The following ADGRG2 variants were observed in gnomAD, a reference collection of about 807,000 sequenced individuals.
ADGRG2 encodes the protein G protein-coupled receptor 64.
ADGRG2 carries 26 observed loss-of-function variants against 74.1 expected under a neutral mutation model. The ratio of observed to expected loss-of-function variants is 0.35; its 90% CI spans 0.26 to 0.49. The LOEUF (loss-of-function observed/expected upper bound fraction) is 0.49, where lower values mean the gene tolerates loss of function less well. ADGRG2 is among the 20% of genes least tolerant of loss of function. The pLI is 0.99. For synonymous variants in ADGRG2, 296 were observed against 295.2 expected (o/e 1.00, Z -0.03); for missense variants, 619 against 763.1 (o/e 0.81, Z 2.22).
In ADGRG2 at chrX:18,990,872, G is replaced by C; in HGVS notation, c.3046C>G (p.Gln1016Glu). Residue 1016 changes from glutamine (Q) to glutamate (E), a missense_variant, in exon 29 of 29, where the codon CAA becomes GAA. Transcript: ENST00000379869. ...ATTTTAGAAGAAAGGAATCACATTT[G>C]CTCAATAAAGTGTAAGCTTCCCCGC... The part of the protein sequence containing the change: ...SKRGSLHFIE[Q>E]M 8.4e-7 allele frequency: 1 copy of C among 1,190,590 alleles called. No homozygotes were observed. Among genetic ancestry groups the C allele is most frequent in the African/African-American group, 1.7e-5 (1 of 57,266 alleles).
At position 19,030,522 on chromosome X, in the gene ADGRG2, T is replaced by C. The variant is rs113267147; in HGVS notation, c.358+462A>G. On this transcript the variant is annotated intron_variant, in intron 9 of 28. Coordinates refer to ENST00000379869, the MANE Select transcript of ADGRG2 (RefSeq NM_001079858.3). ...GGAATTAGCATCCACTTAAACTAGG[T>C]GTACTTGAGTTTTCAACATTCAACA... 6.1e-3 allele frequency among the ~76,000 whole-genome samples: 684 copies of C among 112,025 alleles called. 3 individuals are homozygous for C. Among genetic ancestry groups the C allele is most frequent in the African/African-American group, 0.021 (657 of 30,876 alleles).
At position 19,010,690 on chromosome X, in the gene ADGRG2, G is replaced by C; in HGVS notation, c.1188C>G (p.Asn396Lys). 1.7e-6 allele frequency: 2 copies of C among 1,205,524 alleles called. No individual in the cohort carries two copies. Among genetic ancestry groups the C allele is most frequent in the Non-Finnish European group, 1.1e-6 (1 of 890,114 alleles). ...CTTGGTTGATCATTTCTCCTGCGAGGTTAGGCTCCAGGCTGCCCAAGGACA... is the reference window on the plus strand; with the variant it reads ...CTTGGTTGATCATTTCTCCTGCGAGCTTAGGCTCCAGGCTGCCCAAGGACA... ...KALSLGSLEPNLAGEMINQVS... is the reference protein window; with the variant it reads ...KALSLGSLEPKLAGEMINQVS... The change falls in exon 17 of 29, where the codon AAC (asparagine) becomes AAG (lysine). Residue 396 changes from asparagine to lysine, a missense_variant. Asn to Lys is a moderately conservative substitution (Grantham distance 94). This residue lies in a region of ADGRG2 where 292 missense variants were observed against 318.0 expected (regional missense o/e 0.92). Coordinates refer to ENST00000379869, the MANE Select transcript of ADGRG2 (RefSeq NM_001079858.3).
At chrX:19,024,009 A>T in intron 11 of ADGRG2, 61 bp from the exon 12 acceptor site, 1 of 837,013 alleles carries the variant, frequency 1.2e-6, no homozygotes, top group Non-Finnish European at 1.8e-6. Context: ...AATTGAAAAC[A>T]TGTTAGATTT....
chrX:19,003,269 A>G (rs1463622690), intron 23 of ADGRG2, among the ~76,000 whole-genome samples, 155 bp from the exon 24 acceptor site: 1 of 111,191 alleles, frequency 9.0e-6, no homozygotes, highest in Non-Finnish European at 1.9e-5. Context: ...GGCTCAAGCG[A>G]TCTTCCCACC....
chrX:19,054,003 G>T (rs916272589), intron 3 of ADGRG2, among the ~76,000 whole-genome samples: 1 of 111,511 alleles, frequency 9.0e-6, no homozygotes, highest in Admixed American at 9.6e-5. Context: ...TCTCCCACCG[G>T]GTCCCTCCTA....
intron 26 of ADGRG2, 62 bp downstream of exon 26, chrX:18,998,934 G>A: frequency 1.1e-6 from 1 of 950,553 alleles, no homozygotes; most frequent in Non-Finnish European, 1.5e-6. Flanking sequence ...TACTCTTTTA[G>A]TAGCTACATT....
Position 18,990,683 on chromosome X carries a change from C to A in ADGRG2, c.*181G>T. On this transcript the variant is annotated 3_prime_UTR_variant, in exon 29 of 29. Transcript: ENST00000379869. ...AAACCAAATCAGAAATGTCTAAAAA[C>A]CATGGTGTAATGTCTTGGTTTCTTC... The A allele has an allele frequency of 3.1e-6, 1 of 323,335 alleles. No individual in the cohort carries two copies. The highest frequency in any genetic ancestry group is 5.3e-6 in the Non-Finnish European group (1 of 187,318). The allele number at this position is 323,335 out of a possible 1,213,427, so 26.6% of individuals were successfully genotyped here.
chrX:19,069,785 T>G (rs1045855681), intron 2 of ADGRG2, among the ~76,000 whole-genome samples: 1 of 111,633 alleles, frequency 9.0e-6, no homozygotes, highest in African/African-American at 3.3e-5. Context: ...CCCATCCCAC[T>G]GAGAGCCACT....
In ADGRG2 at chrX:18,999,920, G is replaced by A. The variant is rs748301650; in HGVS notation, c.2271C>T (p.Ser757=). 6 of 1,195,989 alleles carry A rather than the reference G, an allele frequency of 5.0e-6. No individual in the cohort carries two copies. The highest frequency in any genetic ancestry group is 6.8e-6 in the Non-Finnish European group (6 of 881,612). The stretch of plus-strand genomic sequence containing the variant: ...AGGATCCAAGCCCATAGTTATCTGG[G>A]GATATAGTCAGGATGATGGTCACAA... ...AVVVTIILTI[S]PDNYGLGSYG... is the part of the protein sequence containing the mutation. The change falls in exon 25 of 29, where the codon TCC becomes TCT. Residue 757 remains serine, a synonymous_variant. Transcript: ENST00000379869.
intron 28 of ADGRG2, among the ~76,000 whole-genome samples, chrX:18,991,533 C>G (rs1205271480): frequency 1.8e-5 from 2 of 112,406 alleles, no homozygotes; most frequent in Admixed American, 1.9e-4. Context: ...CCAGAGCAAC[C>G]AGCTACAACA....
chrX:19,094,402 G>A (rs1257125533), intron 1 of ADGRG2, among the ~76,000 whole-genome samples: 1 of 110,477 alleles, frequency 9.1e-6, no homozygotes, highest in East Asian at 2.8e-4. Flanking sequence ...GGTGAACAGG[G>A]ATACAGCAGG....
At chrX:19,051,082 C>G (rs1406601728) in intron 3 of ADGRG2, among the ~76,000 whole-genome samples, 2 of 111,918 alleles carry the variant, frequency 1.8e-5, no homozygotes, top group African/African-American at 3.2e-5. Flanking sequence ...CCATGACACT[C>G]TTTTTGTTTT....
intron 28 of ADGRG2, 106 bp downstream of exon 28, chrX:18,994,790 T>C: frequency 8.0e-6 from 4 of 498,143 alleles, no homozygotes; most frequent in Non-Finnish European, 1.3e-5. Flanking sequence ...TAGTCATATA[T>C]GTATTAATAG....
At chrX:19,019,197 A>T (rs1428594725) in intron 15 of ADGRG2, among the ~76,000 whole-genome samples, 1 of 112,251 alleles carries the variant, frequency 8.9e-6, no homozygotes, top group African/African-American at 3.2e-5. Flanking sequence ...TACAGAAAAG[A>T]CATGTACATG....
chrX:18,996,763 C>T (rs2060026686), intron 26 of ADGRG2, among the ~76,000 whole-genome samples: 1 of 111,267 alleles, frequency 9.0e-6, no homozygotes, highest in South Asian at 3.8e-4. Context: ...CTCTCACCCA[C>T]TCAGGTGCCC....
Position 19,050,645 on chromosome X carries a change from C to T in ADGRG2, c.119-10421G>A, listed in dbSNP as rs749367999. On this transcript the variant is annotated intron_variant, in intron 3 of 28. Transcript: ENST00000379869. ...GCTAGCACCTCAAATCCCAGCTACTCAGGAGGCTTAGGTAGGAGGATCACT... is the reference window on the plus strand; with the variant it reads ...GCTAGCACCTCAAATCCCAGCTACTTAGGAGGCTTAGGTAGGAGGATCACT... 1.3e-4 allele frequency among the ~76,000 whole-genome samples: 14 copies of T among 111,623 alleles called. No homozygotes were observed. The East Asian group carries it at 3.7e-3, about 29-fold the overall frequency.
In ADGRG2 at chrX:19,088,300, A is replaced by G. The variant is rs192179850; in HGVS notation, c.-46-5554T>C. 6.4e-3 allele frequency among the ~76,000 whole-genome samples: 712 copies of G among 112,101 alleles called. 5 individuals carry two copies. Among genetic ancestry groups the G allele is most frequent in the African/African-American group, 0.022 (684 of 30,834 alleles). On this transcript the variant is annotated intron_variant, in intron 1 of 28. Coordinates refer to ENST00000379869, the MANE Select transcript of ADGRG2 (RefSeq NM_001079858.3). ...CCAGAGTGAGCTTTCTTCCATTAAT[A>G]TGAAAACACTTCACAGGATAATTGA...
intron 12 of ADGRG2, 43 bp downstream of exon 12, chrX:19,023,866 A>G: frequency 1.1e-6 from 1 of 952,082 alleles, no homozygotes; most frequent in Non-Finnish European, 1.5e-6. Flanking sequence ...CCCCCAGGTC[A>G]TAACAATAAT....
At chrX:19,106,589 G>A (rs1244324804) in intron 1 of ADGRG2, among the ~76,000 whole-genome samples, 2 of 109,955 alleles carry the variant, frequency 1.8e-5, no homozygotes, top group Non-Finnish European at 3.8e-5. Flanking sequence ...GTCCAGGTGA[G>A]GGAGATTTGA....
Sources: gnomAD v4.1 joint callset for allele counts (sites outside exome capture counted in the v4.1 genomes callset) on GRCh38, gnomAD v4.1.1 for gene constraint, gnomAD v4.1.1 regional missense constraint, MANE v1.5 for transcripts, NCBI Gene and HGNC (gene_info 2026-07-23, HGNC 2026-07-21) for gene names.